Variants in MGLL observed in about 807,000 individuals in gnomAD.
MGLL encodes the protein monoglyceride lipase, also known as lysophospholipase homolog.
In MGLL, 7 loss-of-function variants were observed where a neutral mutation model predicts 29.1. That is an observed-to-expected ratio of 0.24 (90% CI 0.14 to 0.45). The LOEUF (loss-of-function observed/expected upper bound fraction) is 0.45. MGLL is among the 20% of genes least tolerant of loss of function. The probability of loss-of-function intolerance (pLI) is 0.99; values close to 1 mark genes in which losing one functional copy is unlikely to be tolerated. For synonymous variants in MGLL, 148 were observed against 168.3 expected (o/e 0.88, Z 0.93); for missense variants, 356 against 413.6 (o/e 0.86, Z 1.21).
intron 2 of MGLL, among the ~76,000 whole-genome samples, chr3:127,812,058 A>G (rs1278540903): frequency 2.0e-5 from 3 of 152,274 alleles, no homozygotes; most frequent in Non-Finnish European, 2.9e-5. Flanking sequence ...CACTCTCTGC[A>G]GCAGAAACAT....
At chr3:127,751,481 C>T (rs2076557704) in intron 3 of MGLL, among the ~76,000 whole-genome samples, 1 of 151,828 alleles carries the variant, frequency 6.6e-6, no homozygotes, top group Non-Finnish European at 1.5e-5. Context: ...ATCCTAGTCA[C>T]CTCTCTTGCA....
intron 3 of MGLL, among the ~76,000 whole-genome samples, chr3:127,742,115 A>G (rs2076351104): frequency 6.6e-6 from 1 of 152,262 alleles, no homozygotes; most frequent in South Asian, 2.1e-4. Flanking sequence ...GAGTTCTAAT[A>G]CATAGAACTA....
chr3:127,742,966 C>G (rs976708125), intron 3 of MGLL, among the ~76,000 whole-genome samples: 3 of 152,228 alleles, frequency 2.0e-5, no homozygotes, highest in African/African-American at 4.8e-5. Flanking sequence ...AGGTGCCCAC[C>G]ACCATGCCCG....
intron 3 of MGLL, among the ~76,000 whole-genome samples, chr3:127,739,976 C>T (rs1358137878): frequency 6.6e-6 from 1 of 152,170 alleles, no homozygotes; most frequent in Admixed American, 6.5e-5. Context: ...CACAGCGAGT[C>T]CCCTTGCCTG....
chr3:127,754,690 G>A (rs1362863907), intron 3 of MGLL, among the ~76,000 whole-genome samples: 1 of 152,210 alleles, frequency 6.6e-6, no homozygotes, highest in East Asian at 1.9e-4. Flanking sequence ...CGGGCAGGAG[G>A]ATGGGTTTTC....
intron 2 of MGLL, among the ~76,000 whole-genome samples, chr3:127,804,510 G>A (rs141830251): frequency 0.015 from 2,219 of 152,294 alleles, 26 homozygotes; most frequent in Non-Finnish European, 0.021. Context: ...TTTCCCCATG[G>A]TAGAGCCCAC....
At chr3:127,805,187 AAGG>A (rs1035756767) in intron 2 of MGLL, among the ~76,000 whole-genome samples, 1 of 152,150 alleles carries the variant, frequency 6.6e-6, no homozygotes, top group African/African-American at 2.4e-5. Context: ...TCTTTCCTGG[AAGG>A]AGAACAGCTT....
At chr3:127,710,232 C>T (rs1374177558) in intron 6 of MGLL, among the ~76,000 whole-genome samples, 1 of 152,216 alleles carries the variant, frequency 6.6e-6, no homozygotes, top group East Asian at 1.9e-4. Flanking sequence ...TGGATCCAGC[C>T]ATGTCTGAAG....
chr3:127,726,431 A>T (rs576927162), intron 3 of MGLL, among the ~76,000 whole-genome samples: 17 of 151,292 alleles, frequency 1.1e-4, no homozygotes, highest in African/African-American at 3.4e-4. Flanking sequence ...AAGGTTTTTT[A>T]TTTTTTTTTA....
chr3:127,721,605 T>C (rs1417869019), intron 4 of MGLL, among the ~76,000 whole-genome samples: 2 of 144,676 alleles, frequency 1.4e-5, no homozygotes, highest in Non-Finnish European at 3.0e-5. Flanking sequence ...GTCCTAGAAA[T>C]TTAAATTCCA....
At chr3:127,757,946 G>A (rs972278639) in intron 3 of MGLL, among the ~76,000 whole-genome samples, 1 of 152,192 alleles carries the variant, frequency 6.6e-6, no homozygotes, top group African/African-American at 2.4e-5. Context: ...AAATCTGTAC[G>A]GGAGCTGCCT....
intron 6 of MGLL, among the ~76,000 whole-genome samples, chr3:127,704,595 C>G (rs560313564): frequency 6.6e-6 from 1 of 152,238 alleles, no homozygotes; most frequent in South Asian, 2.1e-4. Flanking sequence ...TGAATAGACA[C>G]TTTTCAAAAG....
At chr3:127,766,817 TC>T (rs1198634840) in intron 3 of MGLL, among the ~76,000 whole-genome samples, 2 of 152,180 alleles carry the variant, frequency 1.3e-5, no homozygotes, top group African/African-American at 4.8e-5. Context: ...ACATCTGTAA[TC>T]CCAGCATTCT....
At chr3:127,749,468 AG>A (rs1276464748) in intron 3 of MGLL, among the ~76,000 whole-genome samples, 10 of 152,350 alleles carry the variant, frequency 6.6e-5, no homozygotes, top group African/African-American at 2.4e-4. Flanking sequence ...TAAAAGGAAA[AG>A]TGCACAGTGC....
At chr3:127,765,933 TG>T (rs991520788) in intron 3 of MGLL, among the ~76,000 whole-genome samples, 56 of 152,286 alleles carry the variant, frequency 3.7e-4, no homozygotes, top group African/African-American at 1.3e-3. Context: ...GAGGACAGTA[TG>T]GGGGCTTGTT....
At chr3:127,728,269 A>C (rs955714459) in intron 3 of MGLL, among the ~76,000 whole-genome samples, 2 of 152,114 alleles carry the variant, frequency 1.3e-5, no homozygotes, top group African/African-American at 4.8e-5. Flanking sequence ...TTTCCCTCTA[A>C]GCATTTCTTT....
At chr3:127,696,074 C>T (rs186567798) in intron 6 of MGLL, among the ~76,000 whole-genome samples, 15 of 152,286 alleles carry the variant, frequency 9.8e-5, no homozygotes, top group African/African-American at 3.1e-4. Context: ...GGGGTGGGCT[C>T]GGCCTCCGTG....
At chr3:127,800,971 G>C (rs978303674) in intron 2 of MGLL, among the ~76,000 whole-genome samples, 3 of 151,716 alleles carry the variant, frequency 2.0e-5, no homozygotes, top group Admixed American at 6.6e-5. Flanking sequence ...GAGAGAGTAC[G>C]TATAGTCAGA....
intron 5 of MGLL, among the ~76,000 whole-genome samples, chr3:127,714,392 G>A (rs1288506930): frequency 6.6e-6 from 1 of 152,186 alleles, no homozygotes; most frequent in Non-Finnish European, 1.5e-5. Flanking sequence ...AGGACGGAAG[G>A]GACAAGCAGC....
Sources: gnomAD v4.1 joint callset for allele counts (sites outside exome capture counted in the v4.1 genomes callset) on GRCh38, gnomAD v4.1.1 for gene constraint, MANE v1.5 for transcripts, NCBI Gene and HGNC (gene_info 2026-07-23, HGNC 2026-07-21) for gene names.